The following NBEA variants were observed in gnomAD, a reference collection of about 807,000 sequenced individuals.
NBEA encodes the protein lysosomal-trafficking regulator 2.
A neutral mutation model predicts 343.4 loss-of-function variants in NBEA; 44 were observed. That is an observed-to-expected ratio of 0.13 (90% CI 0.10 to 0.16). The LOEUF is 0.16. Ranked by LOEUF, NBEA falls within the 10% of genes least tolerant of loss-of-function variation. The pLI is 1.00. For missense variants in NBEA, 2,555 were observed against 3,631.3 expected (o/e 0.70, Z 7.62); for synonymous variants, 1,175 against 1,238.7 (o/e 0.95, Z 1.08).
chr13:35,076,189 G>A lies in NBEA; in HGVS notation c.1571+5337G>A, dbSNP rs565736208. 7.9e-5 allele frequency among the ~76,000 whole-genome samples: 12 copies of A among 151,674 alleles called. No homozygotes were observed. The South Asian group carries it at 8.3e-4, about 11-fold the overall frequency. On this transcript the variant is annotated intron_variant, in intron 10 of 58. Transcript: ENST00000379939. ...ACAGTTATATTTACTTAGGTTTTTC[G>A]GAAAGAATATACCACTGATATGTCT...
intron 17 of NBEA, among the ~76,000 whole-genome samples, chr13:35,130,145 A>G (rs2067337134): frequency 6.6e-6 from 1 of 152,162 alleles, no homozygotes; most frequent in Admixed American, 6.5e-5. Context: ...CAGTGGGGAA[A>G]GCTGTGTATA....
intron 1 of NBEA, among the ~76,000 whole-genome samples, chr13:34,948,795 G>A (rs901436321): frequency 2.6e-5 from 4 of 152,114 alleles, no homozygotes; most frequent in Non-Finnish European, 5.9e-5. Context: ...ATGTTGGAAT[G>A]TTTTGGTCAC....
At chr13:35,670,783 C>G (rs2085585039) in intron 58 of NBEA, 118 bp from the exon 59 acceptor site, 2 of 684,888 alleles carry the variant, frequency 2.9e-6, no homozygotes, top group Middle Eastern at 2.4e-4. Flanking sequence ...CTTGGCAAAC[C>G]TTGAGATCGT....
chr13:35,426,930 A>G (rs866758047), intron 38 of NBEA, among the ~76,000 whole-genome samples: 6 of 152,176 alleles, frequency 3.9e-5, no homozygotes, highest in Non-Finnish European at 7.3e-5. Context: ...CGCATCGGCT[A>G]CTGAGGCTTC....
rs1463819274 is a variant in NBEA, at chr13:35,540,857, C to T, written c.6586-9620C>T. ...CTATTGGAGAAATACAAATAATGCT[C>T]TTTTGAGTAGTTCCTGGTTCTTTAC... On this transcript the variant is annotated intron_variant, in intron 41 of 58. Coordinates refer to ENST00000379939, the MANE Select transcript of NBEA (RefSeq NM_001385012.1). 2.0e-5 allele frequency among the ~76,000 whole-genome samples: 3 copies of T among 152,144 alleles called. No individual in the cohort carries two copies. The East Asian group carries it at 5.8e-4, about 29-fold the overall frequency.
At chr13:35,561,797 G>A (rs1381835348) in intron 44 of NBEA, among the ~76,000 whole-genome samples, 1 of 152,000 alleles carries the variant, frequency 6.6e-6, no homozygotes, top group Non-Finnish European at 1.5e-5. Flanking sequence ...TGTAAGTTTT[G>A]TAAAGATACT....
intron 1 of NBEA, among the ~76,000 whole-genome samples, chr13:34,955,938 A>T (rs899622638): frequency 3.3e-5 from 5 of 152,196 alleles, no homozygotes; most frequent in African/African-American, 1.2e-4. Flanking sequence ...AATGAAATAC[A>T]TGGGCATTCT....
intron 26 of NBEA, among the ~76,000 whole-genome samples, chr13:35,171,677 A>G (rs1163569811): frequency 6.6e-6 from 1 of 152,072 alleles, no homozygotes; most frequent in African/African-American, 2.4e-5. Flanking sequence ...TTAATGGTTC[A>G]TAGTTTGAAA....
chr13:35,100,274 A>G (rs968072781), intron 11 of NBEA, among the ~76,000 whole-genome samples: 1 of 152,048 alleles, frequency 6.6e-6, no homozygotes, highest in Non-Finnish European at 1.5e-5. Context: ...CTTTGAAACA[A>G]GTGTTGACCT....
chr13:35,025,083 A>G (rs1422831319), intron 1 of NBEA, among the ~76,000 whole-genome samples: 1 of 152,132 alleles, frequency 6.6e-6, no homozygotes, highest in South Asian at 2.1e-4. Flanking sequence ...GACTTTTTGT[A>G]GGATGCATAG....
At chr13:35,596,334 A>G (rs1006073258) in intron 47 of NBEA, among the ~76,000 whole-genome samples, 1 of 152,142 alleles carries the variant, frequency 6.6e-6, no homozygotes, top group African/African-American at 2.4e-5. Flanking sequence ...GTTAGAACCT[A>G]AAGTTTTTAT....
chr13:35,528,356 T>TCAGA (rs2078085805), intron 41 of NBEA, among the ~76,000 whole-genome samples: 1 of 152,236 alleles, frequency 6.6e-6, no homozygotes, highest in African/African-American at 2.4e-5. Flanking sequence ...ATTTACACTG[T>TCAGA]AAGAAAGATT....
intron 1 of NBEA, among the ~76,000 whole-genome samples, chr13:34,996,261 T>G (rs958117885): frequency 6.6e-6 from 1 of 152,210 alleles, no homozygotes. Flanking sequence ...TCTTGTTATA[T>G]AAATATAAAA....
intron 10 of NBEA, among the ~76,000 whole-genome samples, chr13:35,080,542 C>T (rs1489701403): frequency 6.6e-6 from 1 of 152,138 alleles, no homozygotes; most frequent in Non-Finnish European, 1.5e-5. Flanking sequence ...CAATAAGGCT[C>T]AGCTGGAAGA....
chr13:35,155,016 G>A, intron 18 of NBEA, among the ~76,000 whole-genome samples: 1 of 151,048 alleles, frequency 6.6e-6, no homozygotes, highest in South Asian at 2.1e-4. Context: ...TGTAGCCCCA[G>A]CTACTTGGGA....
intron 31 of NBEA, among the ~76,000 whole-genome samples, chr13:35,198,961 T>C (rs1051553836): frequency 6.6e-6 from 1 of 152,108 alleles, no homozygotes; most frequent in Non-Finnish European, 1.5e-5. Flanking sequence ...CTTAGTTTCA[T>C]GCTTTAATGT....
intron 33 of NBEA, among the ~76,000 whole-genome samples, chr13:35,211,842 A>G (rs1420659456): frequency 6.8e-6 from 1 of 146,582 alleles, no homozygotes; most frequent in East Asian, 1.9e-4. Flanking sequence ...AAATAAACAA[A>G]TAAACAAACA....
intron 14 of NBEA, 111 bp from the exon 15 acceptor site, chr13:35,118,117 C>A (rs2066600177): frequency 3.3e-6 from 2 of 605,166 alleles, no homozygotes; most frequent in Non-Finnish European, 5.3e-6. Context: ...ATTAAAATAT[C>A]ACTACATTAA....
intron 41 of NBEA, among the ~76,000 whole-genome samples, chr13:35,546,204 G>T (rs2079049824): frequency 6.6e-6 from 1 of 152,182 alleles, no homozygotes. Context: ...ATTTTCATGT[G>T]CAGAATTAAA....
Sources: gnomAD v4.1 joint callset for allele counts (sites outside exome capture counted in the v4.1 genomes callset) on GRCh38, gnomAD v4.1.1 for gene constraint, MANE v1.5 for transcripts, NCBI Gene and HGNC (gene_info 2026-07-23, HGNC 2026-07-21) for gene names.